LOC400499: variants seen among roughly 807,000 people sequenced by gnomAD.
At chr16:11,407,401 G>C in the LOC400499 span, 4 of 397,602 alleles carry the variant, frequency 1.0e-5, no homozygotes, top group Non-Finnish European at 1.8e-5. Flanking sequence ...GGCTCTGATG[G>C]AACATTCCAG....
chr16:11,520,087 G>C, the LOC400499 span, among the ~76,000 whole-genome samples: 2 of 152,142 alleles, frequency 1.3e-5, no homozygotes, highest in Non-Finnish European at 2.9e-5. Flanking sequence ...AGAGTCTGCA[G>C]GGTGGGAATT....
At chr16:11,510,784 C>A in the LOC400499 span, among the ~76,000 whole-genome samples, 1 of 151,638 alleles carries the variant, frequency 6.6e-6, no homozygotes, top group East Asian at 1.9e-4. Context: ...AAGGAGAATT[C>A]TCCCACGACA....
At chr16:11,508,622 A>G in the LOC400499 span, 1 of 397,628 alleles carries the variant, frequency 2.5e-6, no homozygotes, top group Non-Finnish European at 4.4e-6. Context: ...TAAATATCTG[A>G]GAGGATGGGC....
chr16:11,406,411 C>G, the LOC400499 span, among the ~76,000 whole-genome samples: 1 of 152,128 alleles, frequency 6.6e-6, no homozygotes, highest in African/African-American at 2.4e-5. Context: ...GCCTCGAATG[C>G]CCCTCCCCCA....
At chr16:11,401,473 C>G in the LOC400499 span, 1 of 399,250 alleles carries the variant, frequency 2.5e-6, no homozygotes, top group East Asian at 3.6e-5. Flanking sequence ...CCCACCCGCA[C>G]AGACCACCTT....
At chr16:11,385,174 G>T in the LOC400499 span, 1 of 1,230,916 alleles carries the variant, frequency 8.1e-7, no homozygotes. Context: ...TCCAGGGGAG[G>T]CTCAGTCCTA....
At chr16:11,448,795 G>A in the LOC400499 span, 5 of 616,060 alleles carry the variant, frequency 8.1e-6, no homozygotes, top group Non-Finnish European at 1.0e-5. Flanking sequence ...GCTCCAGGAG[G>A]CCCAAGGTCA....
At chr16:11,391,642 G>C in the LOC400499 span, 3 of 1,232,048 alleles carry the variant, frequency 2.4e-6, no homozygotes, top group Non-Finnish European at 3.0e-6. Flanking sequence ...GCACAGGATT[G>C]AGCCCTCCCC....
At chr16:11,383,699 C>T in the LOC400499 span, 131 of 1,232,390 alleles carry the variant, frequency 1.1e-4, no homozygotes, top group Middle Eastern at 9.3e-4. Flanking sequence ...TGGATGTAGG[C>T]GGCCGCCAGG....
chr16:11,447,017 G>A, the LOC400499 span: 159 of 1,297,632 alleles, frequency 1.2e-4, no homozygotes, highest in Middle Eastern at 1.4e-3. Flanking sequence ...AGCTTGCAGA[G>A]TTAAGACTCT....
chr16:11,426,204 G>A, the LOC400499 span, among the ~76,000 whole-genome samples: 1 of 152,210 alleles, frequency 6.6e-6, no homozygotes, highest in South Asian at 2.1e-4. Flanking sequence ...GGGAGGCTGA[G>A]ACAGGCAGAT....
chr16:11,406,392 T>C, the LOC400499 span, among the ~76,000 whole-genome samples: 1 of 152,232 alleles, frequency 6.6e-6, no homozygotes, highest in Non-Finnish European at 1.5e-5. Flanking sequence ...TACCACAGTC[T>C]CTTTACCTGC....
chr16:11,385,118 G>T, the LOC400499 span: 2 of 1,231,308 alleles, frequency 1.6e-6, no homozygotes, highest in Non-Finnish European at 2.0e-6. Flanking sequence ...CAGGTGACAA[G>T]CTTGAAAGTG....
chr16:11,469,261 G>T, the LOC400499 span: 6 of 399,120 alleles, frequency 1.5e-5, no homozygotes, highest in Admixed American at 1.8e-4. Context: ...TTTCCTGGGG[G>T]TGCAAAACAA....
At chr16:11,469,453 C>A in the LOC400499 span, 7 of 398,916 alleles carry the variant, frequency 1.8e-5, no homozygotes, top group Non-Finnish European at 2.2e-5. Flanking sequence ...GGGCCCTGCC[C>A]CGGGTGTGGC....
At chr16:11,502,690 C>T in the LOC400499 span, among the ~76,000 whole-genome samples, 7 of 151,694 alleles carry the variant, frequency 4.6e-5, no homozygotes, top group East Asian at 5.8e-4. Flanking sequence ...TCTCGGCTCA[C>T]GGCAACCTCC....
chr16:11,486,402 G>A, the LOC400499 span, among the ~76,000 whole-genome samples: 2 of 113,352 alleles, frequency 1.8e-5, no homozygotes, highest in Non-Finnish European at 3.6e-5. Context: ...TAAATGGATT[G>A]AGTGAATAGA....
At chr16:11,412,908 G>T in the LOC400499 span, 2 of 398,880 alleles carry the variant, frequency 5.0e-6, no homozygotes, top group Non-Finnish European at 8.8e-6. Context: ...GTCAGCTGCA[G>T]TGAGGAGCTC....
At chr16:11,477,301 G>C in the LOC400499 span, among the ~76,000 whole-genome samples, 4 of 152,242 alleles carry the variant, frequency 2.6e-5, no homozygotes, top group Non-Finnish European at 5.9e-5. Flanking sequence ...GTCAAACTCA[G>C]GGCCCAAGGA....
Sources: gnomAD v4.1 joint callset for allele counts (sites outside exome capture counted in the v4.1 genomes callset) on GRCh38, gnomAD v4.1.1 for gene constraint, MANE v1.5 for transcripts.